Variants in DOCK2 observed in about 807,000 individuals in gnomAD.
The protein encoded by DOCK2 is dedicator of cytokinesis protein 2.
DOCK2 carries 87 observed loss-of-function variants against 248.9 expected under a neutral mutation model. The observed-to-expected ratio is 0.35, with a 90% CI of 0.29 to 0.42. The LOEUF (loss-of-function observed/expected upper bound fraction) is 0.42. Ranked by LOEUF, DOCK2 falls within the 10% of genes least tolerant of loss-of-function variation. DOCK2 has a pLI of 1.00. For synonymous variants in DOCK2, 805 were observed against 821.6 expected, an observed-to-expected ratio of 0.98 and a Z score of 0.35; for missense variants, 1,747 against 2,300.2, an observed-to-expected ratio of 0.76 and a Z score of 4.92.
intron 8 of DOCK2, among the ~76,000 whole-genome samples, chr5:169,685,739 T>C (rs904063300): frequency 1.3e-5 from 2 of 152,188 alleles, no homozygotes; most frequent in Admixed American, 6.5e-5. Context: ...CTCAGAAGAA[T>C]GTGCTGGGGT....
intron 1 of DOCK2, among the ~76,000 whole-genome samples, chr5:169,642,680 A>G (rs1028006525): frequency 2.0e-5 from 3 of 152,158 alleles, no homozygotes; most frequent in Admixed American, 6.5e-5. Flanking sequence ...TGCTTCAGCA[A>G]TTTGGGTCTG....
chr5:169,925,578 T>TAAAAAAAAAAAA lies in DOCK2; in HGVS notation c.2800-57490_2800-57489insAAAAAAAAAAAA, dbSNP rs1561828965. ...CTGGGCGACAGAGCAAGACTCTGTC[T>TAAAAAAAAAAAA]TAAAAAAAAAAAAAAAAAAAAAAAA... On this transcript the variant is annotated intron_variant, in intron 27 of 51. Coordinates refer to ENST00000520908, the MANE Select transcript of DOCK2 (RefSeq NM_004946.3). Among the ~76,000 whole-genome samples, 5 of 32,324 alleles carry TAAAAAAAAAAAA rather than the reference T, an allele frequency of 1.5e-4. 2 individuals are homozygous for TAAAAAAAAAAAA. The highest frequency in any genetic ancestry group is 2.6e-4 in the African/African-American group (2 of 7,838). 21.2% of individuals were successfully genotyped at this position (32,324 alleles called of 152,430 possible). A position where few individuals can be genotyped will look rare whatever the true frequency, so the allele number is the denominator to read the frequency against.
chr5:169,775,920 G>A (rs1449342877), intron 25 of DOCK2, among the ~76,000 whole-genome samples: 4 of 151,682 alleles, frequency 2.6e-5, no homozygotes, highest in Admixed American at 2.0e-4. Flanking sequence ...GGGGGGCCTT[G>A]GACCACACCG....
At chr5:169,848,722 T>C (rs556044920) in intron 27 of DOCK2, among the ~76,000 whole-genome samples, 224 of 152,328 alleles carry the variant, frequency 1.5e-3, no homozygotes, top group Non-Finnish European at 2.5e-3. Context: ...ACCCCGGTTT[T>C]CACAGAGGAG....
intron 25 of DOCK2, among the ~76,000 whole-genome samples, chr5:169,773,392 GA>G (rs1422555096): frequency 6.6e-6 from 1 of 151,942 alleles, no homozygotes; most frequent in Non-Finnish European, 1.5e-5. Flanking sequence ...AATTAGGGGA[GA>G]AAAAAATTCC....
chr5:169,679,702 T>C (rs1036098443), intron 6 of DOCK2, among the ~76,000 whole-genome samples: 3 of 152,212 alleles, frequency 2.0e-5, no homozygotes, highest in Admixed American at 1.3e-4. Context: ...CCCCTTAGCA[T>C]TGCCGTTGGG....
intron 26 of DOCK2, among the ~76,000 whole-genome samples, chr5:169,816,124 T>C (rs1046389646): frequency 2.6e-5 from 4 of 152,206 alleles, no homozygotes; most frequent in African/African-American, 9.6e-5. Flanking sequence ...TTACAGTTGC[T>C]GAGGGAACTA....
chr5:169,711,025 A>G (rs373808), intron 15 of DOCK2, among the ~76,000 whole-genome samples: 116,203 of 152,028 alleles, frequency 0.76, 44,615 homozygotes, highest in East Asian at 0.98. Flanking sequence ...TCAGGGAAAG[A>G]ATGAATTGGC....
chr5:169,723,393 G>A (rs572799067), intron 22 of DOCK2, among the ~76,000 whole-genome samples: 3 of 152,236 alleles, frequency 2.0e-5, no homozygotes, highest in South Asian at 2.1e-4. Flanking sequence ...TATGTAACAC[G>A]GTCATAATAG....
chr5:169,649,812 CTT>C (rs367853396), intron 1 of DOCK2, among the ~76,000 whole-genome samples: 2 of 146,254 alleles, frequency 1.4e-5, no homozygotes, highest in Non-Finnish European at 1.5e-5. Context: ...TTTTTTCTTT[CTT>C]TTTTTTTTTG....
At position 170,050,398 on chromosome 5, in the gene DOCK2, G is replaced by A. The variant is rs1561898523; in HGVS notation, c.4213+1G>A. On this transcript the variant is annotated splice_donor_variant, in intron 41 of 51. Coordinates refer to ENST00000520908, the MANE Select transcript of DOCK2 (RefSeq NM_004946.3). LOFTEE classifies it high-confidence loss of function. ...GATGTGAAGAATGCCCCAGGCCAGT[G>A]TATCCTTGGAGAATGCCCTAGCCAA... The A allele has an allele frequency of 1.9e-6, 3 of 1,613,638 alleles. No individual in the cohort carries two copies. Among genetic ancestry groups the A allele is most frequent in the Non-Finnish European group, 2.5e-6 (3 of 1,179,710 alleles).
intron 22 of DOCK2, among the ~76,000 whole-genome samples, chr5:169,738,103 A>G (rs1003396021): frequency 6.6e-6 from 1 of 152,220 alleles, no homozygotes; most frequent in Non-Finnish European, 1.5e-5. Context: ...TGCAGAATTC[A>G]TTGCTTGCTT....
At chr5:169,977,587 A>T (rs1175164544) in intron 27 of DOCK2, among the ~76,000 whole-genome samples, 1 of 152,198 alleles carries the variant, frequency 6.6e-6, no homozygotes, top group Non-Finnish European at 1.5e-5. Context: ...CTAGTAAGAG[A>T]TACAGCTGAG....
At chr5:169,895,630 G>A (rs982409051) in intron 27 of DOCK2, among the ~76,000 whole-genome samples, 6 of 151,762 alleles carry the variant, frequency 4.0e-5, no homozygotes, top group South Asian at 2.1e-4. Flanking sequence ...TTCCCTCCAC[G>A]TTACCTATTG....
intron 27 of DOCK2, among the ~76,000 whole-genome samples, chr5:169,964,202 AC>A (rs1368111891): frequency 6.6e-6 from 1 of 152,204 alleles, no homozygotes; most frequent in Non-Finnish European, 1.5e-5. Context: ...CAGGAGAATT[AC>A]ATTCTGTGCT....
At chr5:169,928,289 G>T (rs750796255) in intron 27 of DOCK2, among the ~76,000 whole-genome samples, 1 of 152,100 alleles carries the variant, frequency 6.6e-6, no homozygotes, top group Non-Finnish European at 1.5e-5. Context: ...GGGCCAGCCT[G>T]TTCTTGCCCA....
At chr5:169,897,559 A>G (rs1298127112) in intron 27 of DOCK2, among the ~76,000 whole-genome samples, 1 of 152,198 alleles carries the variant, frequency 6.6e-6, no homozygotes, top group East Asian at 1.9e-4. Context: ...AGACTTCACT[A>G]CTGTATCAAG....
At chr5:169,871,119 C>T (rs75935572) in intron 27 of DOCK2, among the ~76,000 whole-genome samples, 2 of 152,104 alleles carry the variant, frequency 1.3e-5, no homozygotes, top group East Asian at 3.9e-4. Context: ...AAGTTCATGA[C>T]CTAATCACCT....
intron 25 of DOCK2, among the ~76,000 whole-genome samples, chr5:169,795,732 T>C (rs983934531): frequency 1.3e-5 from 2 of 152,212 alleles, no homozygotes; most frequent in East Asian, 1.9e-4. Context: ...ACCAAGTGGC[T>C]TTCAACATCT....
Sources: allele counts gnomAD v4.1 joint callset (sites outside exome capture counted in the v4.1 genomes callset), GRCh38; gene constraint gnomAD v4.1.1; transcripts MANE v1.5; gene names NCBI Gene and HGNC (gene_info 2026-07-23, HGNC 2026-07-21).